The following DENND5A variants were observed in gnomAD, a reference collection of about 807,000 sequenced individuals.
DENND5A encodes the protein DENN domain containing 5A, also known as DENN domain-containing protein 5A.
In DENND5A, 64 loss-of-function variants were observed where a neutral mutation model predicts 140.3. The observed-to-expected ratio is 0.46, with a 90% CI of 0.37 to 0.56. The LOEUF (loss-of-function observed/expected upper bound fraction) is 0.56. DENND5A is among the 20% of genes least tolerant of loss of function. The pLI is 0.00. For synonymous variants in DENND5A, 605 were observed against 607.7 expected (o/e 1.00, Z 0.07); for missense variants, 1,292 against 1,593.8 (o/e 0.81, Z 3.22).
chr11:9,188,966 G>T (rs1254607221), intron 5 of DENND5A, among the ~76,000 whole-genome samples: 2 of 152,218 alleles, frequency 1.3e-5, no homozygotes, highest in Non-Finnish European at 2.9e-5. Flanking sequence ...AGACAATGGG[G>T]GTAAATGTCT....
At chr11:9,167,060 C>T (rs554554419) in intron 10 of DENND5A, among the ~76,000 whole-genome samples, 1 of 152,228 alleles carries the variant, frequency 6.6e-6, no homozygotes, top group African/African-American at 2.4e-5. Context: ...ACACTCAAAA[C>T]AACAACTGCA....
intron 1 of DENND5A, among the ~76,000 whole-genome samples, chr11:9,262,595 A>G (rs1292914990): frequency 6.6e-6 from 1 of 152,102 alleles, no homozygotes; most frequent in Non-Finnish European, 1.5e-5. Context: ...GTCCCTTCCA[A>G]CACCAATACC....
chr11:9,251,138 C>CAAAAAA (rs887593530), intron 1 of DENND5A, among the ~76,000 whole-genome samples: 12 of 89,882 alleles, frequency 1.3e-4, no homozygotes, highest in East Asian at 4.8e-4. Context: ...CCATCTCAAA[C>CAAAAAA]AAAAAAAAAA....
At chr11:9,239,976 T>C (rs1851165709) in intron 1 of DENND5A, among the ~76,000 whole-genome samples, 1 of 152,176 alleles carries the variant, frequency 6.6e-6, no homozygotes, top group South Asian at 2.1e-4. Flanking sequence ...ATCATAGAGA[T>C]TATGTTTTTG....
chr11:9,201,272 G>A (rs764603462), intron 4 of DENND5A, among the ~76,000 whole-genome samples: 6 of 151,662 alleles, frequency 4.0e-5, no homozygotes, highest in Non-Finnish European at 8.8e-5. Context: ...CTACTCAGGC[G>A]GCTGAGATGG....
chr11:9,205,464 A>T (rs1399068294), intron 3 of DENND5A, among the ~76,000 whole-genome samples: 1 of 152,194 alleles, frequency 6.6e-6, no homozygotes, highest in African/African-American at 2.4e-5. Flanking sequence ...CTAGACTAGG[A>T]GTCAAAAAAC....
intron 3 of DENND5A, 79 bp downstream of exon 3, chr11:9,206,594 G>T: frequency 9.7e-7 from 1 of 1,029,702 alleles, no homozygotes. Context: ...TGGCACCACT[G>T]CTACCACAGC....
intron 1 of DENND5A, among the ~76,000 whole-genome samples, chr11:9,226,414 T>A (rs1349183113): frequency 2.0e-5 from 3 of 152,202 alleles, no homozygotes; most frequent in East Asian, 1.9e-4. Context: ...TCTTAATCGA[T>A]TTGTTCTATC....
At chr11:9,153,826 T>C (rs7114013) in intron 12 of DENND5A, among the ~76,000 whole-genome samples, 35,246 of 152,186 alleles carry the variant, frequency 0.23, 4,342 homozygotes, top group African/African-American at 0.3. Flanking sequence ...ATTTGAGATA[T>C]GTAGCAATTT....
Position 9,193,531 on chromosome 11 carries a change from C to A in DENND5A, c.1100G>T (p.Gly367Val). Reference sequence around the variant, plus strand: ...CTCCAGCTTTGACCGGTCATCCAGGCCATTGGAATGCAAACCCATCAGGTA... The same window carrying A: ...CTCCAGCTTTGACCGGTCATCCAGGACATTGGAATGCAAACCCATCAGGTA... ...VPYLMGLHSNGLDDRSKLELP... is the reference protein window; with the variant it reads ...VPYLMGLHSNVLDDRSKLELP... Residue 367 changes from glycine (G) to valine (V), a missense_variant, in exon 5 of 23, where the codon GGC (glycine) becomes GTC (valine). Physicochemically the swap from Gly to Val is moderately radical, Grantham distance 109. Coordinates refer to ENST00000328194, the MANE Select transcript of DENND5A (RefSeq NM_015213.4). 6.2e-7 allele frequency: 1 copy of A among 1,612,886 alleles called. No homozygotes were observed. Among genetic ancestry groups the A allele is most frequent in the Non-Finnish European group, 8.5e-7 (1 of 1,179,520 alleles).
chr11:9,222,604 G>A (rs543172815), intron 1 of DENND5A, among the ~76,000 whole-genome samples: 1 of 152,284 alleles, frequency 6.6e-6, no homozygotes, highest in East Asian at 1.9e-4. Flanking sequence ...TCTGACATAA[G>A]ATCAGAGAAT....
chr11:9,255,655 G>A (rs1412697461), intron 1 of DENND5A, among the ~76,000 whole-genome samples: 1 of 152,104 alleles, frequency 6.6e-6, no homozygotes, highest in Non-Finnish European at 1.5e-5. Context: ...CATGAAGTCA[G>A]GAGTTCGAGA....
chr11:9,156,230 C>T (rs1847796562), intron 12 of DENND5A, among the ~76,000 whole-genome samples: 1 of 152,136 alleles, frequency 6.6e-6, no homozygotes, highest in African/African-American at 2.4e-5. Context: ...GCATTAACGC[C>T]ATGCCAGCAA....
At chr11:9,210,573 A>C (rs1460312017) in intron 1 of DENND5A, among the ~76,000 whole-genome samples, 1 of 152,182 alleles carries the variant, frequency 6.6e-6, no homozygotes, top group Non-Finnish European at 1.5e-5. Flanking sequence ...AGATAAGGTC[A>C]CACTCTGTTG....
At position 9,207,030 on chromosome 11, in the gene DENND5A, C is replaced by G. The variant is rs762423740; in HGVS notation, c.182-248G>C. On this transcript the variant is annotated intron_variant, in intron 2 of 22. Coordinates refer to ENST00000328194, the MANE Select transcript of DENND5A (RefSeq NM_015213.4). ...GTTCTTCTTCAAAATGAAATTACTA[C>G]TCAAACCCAATGGTTAATTTTCATG... is the stretch of plus-strand genomic sequence containing the variant. 434 of 509,884 alleles carry G rather than the reference C, an allele frequency of 8.5e-4. 3 individuals carry two copies. The highest frequency in any genetic ancestry group is 1.3e-3 in the Non-Finnish European group (363 of 287,592). 31.6% of individuals were successfully genotyped at this position (509,884 alleles called of 1,614,324 possible).
rs1197857475 is a variant in DENND5A at position 9,207,626 on chromosome 11, C to T, written c.116G>A (p.Cys39Tyr). Residue 39 changes from cysteine to tyrosine, a missense_variant, in exon 2 of 23, where the codon TGC becomes TAC. By Grantham distance (194) the Cys-to-Tyr change is radical. Around this residue, in one of 4 missense-constraint regions of DENND5A, gnomAD observed 566 missense variants for 650.4 expected, o/e 0.87. Transcript: ENST00000328194. ...GGCTTTAGAAGCCTGTATGTACTGG[C>T]ATAATGCTATATGATAAATGAAATA... The part of the protein sequence containing the change: ...GLEPDELSAL[C>Y]QYIQASKARD... 1.9e-6 allele frequency: 3 copies of T among 1,607,778 alleles called. No homozygotes were observed. The highest frequency in any genetic ancestry group is 1.7e-5 in the Admixed American group (1 of 59,974).
intron 1 of DENND5A, among the ~76,000 whole-genome samples, chr11:9,227,909 C>T (rs1398272619): frequency 4.6e-5 from 7 of 151,668 alleles, no homozygotes; most frequent in Admixed American, 6.6e-5. Context: ...GTCAGGGGTT[C>T]GAGACCAACC....
At chr11:9,163,579 A>G (rs1343558286) in intron 11 of DENND5A, among the ~76,000 whole-genome samples, 1 of 152,064 alleles carries the variant, frequency 6.6e-6, no homozygotes, top group African/African-American at 2.4e-5. Context: ...CGAGGCAGAC[A>G]GATCACTTGA....
chr11:9,149,299 A>C (rs1489331040), intron 15 of DENND5A, among the ~76,000 whole-genome samples: 1 of 152,178 alleles, frequency 6.6e-6, no homozygotes, highest in Non-Finnish European at 1.5e-5. Flanking sequence ...TAGACTGTCC[A>C]CCTCCTGTCT....
Sources: gnomAD v4.1 joint callset for allele counts (sites outside exome capture counted in the v4.1 genomes callset) on GRCh38, gnomAD v4.1.1 for gene constraint, gnomAD v4.1.1 regional missense constraint, MANE v1.5 for transcripts, NCBI Gene and HGNC (gene_info 2026-07-23, HGNC 2026-07-21) for gene names.